SGCZ: variants seen among roughly 807,000 people sequenced by gnomAD.
SGCZ encodes the protein sarcoglycan zeta.
SGCZ carries 40 observed loss-of-function variants against 41.3 expected under a neutral mutation model. That is an observed-to-expected ratio of 0.97 (90% CI 0.75 to 1.26). The LOEUF is 1.26. Among genes scored for constraint, SGCZ ranks in the 50% most tolerant of loss-of-function variants. The pLI, the probability that SGCZ is intolerant of heterozygous loss-of-function variation, is 0.00. For synonymous variants in SGCZ, 206 were observed against 137.5 expected (o/e 1.50, Z -3.49); for missense variants, 552 against 369.8 (o/e 1.49, Z -4.04).
intron 2 of SGCZ, among the ~76,000 whole-genome samples, chr8:14,336,289 A>G (rs1390219986): frequency 2.0e-4 from 31 of 152,188 alleles, no homozygotes; most frequent in Admixed American, 2.0e-3. Flanking sequence ...CATAGTGTAT[A>G]GGTGCCACAT....
At chr8:14,615,096 T>C (rs1806056137) in intron 1 of SGCZ, among the ~76,000 whole-genome samples, 1 of 152,120 alleles carries the variant, frequency 6.6e-6, no homozygotes, top group Non-Finnish European at 1.5e-5. Context: ...ACATTTATAG[T>C]AGACATAATT....
intron 1 of SGCZ, among the ~76,000 whole-genome samples, chr8:15,082,619 G>A (rs1805797402): frequency 6.6e-6 from 1 of 152,072 alleles, no homozygotes; most frequent in South Asian, 2.1e-4. Flanking sequence ...AAAACGTCCA[G>A]TGCAGAGGCA....
At chr8:14,293,880 G>A (rs577530637) in intron 3 of SGCZ, among the ~76,000 whole-genome samples, 1 of 151,862 alleles carries the variant, frequency 6.6e-6, no homozygotes, top group South Asian at 2.1e-4. Context: ...GCTACATTCA[G>A]GAGCCAAATC....
At chr8:15,222,396 C>T (rs577567563) in intron 1 of SGCZ, among the ~76,000 whole-genome samples, 4 of 152,092 alleles carry the variant, frequency 2.6e-5, no homozygotes, top group African/African-American at 9.6e-5. Context: ...CAAGGCTTAA[C>T]TGGGAGGCAC....
intron 2 of SGCZ, among the ~76,000 whole-genome samples, chr8:14,388,912 G>C (rs1356105832): frequency 6.6e-6 from 1 of 151,424 alleles, no homozygotes; most frequent in Non-Finnish European, 1.5e-5. Context: ...TAGCATTAAA[G>C]ATACCTCAAA....
chr8:14,993,580 T>C (rs1209340356), intron 1 of SGCZ, among the ~76,000 whole-genome samples: 1 of 152,118 alleles, frequency 6.6e-6, no homozygotes, highest in African/African-American at 2.4e-5. Flanking sequence ...CAAAATGTGA[T>C]AGAGAATGGT....
At chr8:14,811,177 A>C (rs1801726611) in intron 1 of SGCZ, among the ~76,000 whole-genome samples, 1 of 152,038 alleles carries the variant, frequency 6.6e-6, no homozygotes, top group African/African-American at 2.4e-5. Context: ...GTTCATCATA[A>C]ACTTAGATTT....
intron 2 of SGCZ, among the ~76,000 whole-genome samples, chr8:14,541,198 T>A (rs1803455854): frequency 6.6e-6 from 1 of 151,982 alleles, no homozygotes; most frequent in Non-Finnish European, 1.5e-5. Context: ...GTTCGTTACA[T>A]AGGTATACAC....
intron 1 of SGCZ, among the ~76,000 whole-genome samples, chr8:14,935,014 T>C (rs796832172): frequency 8.9e-5 from 10 of 112,518 alleles, no homozygotes; most frequent in African/African-American, 3.4e-4. Flanking sequence ...GAAGACAAAA[T>C]GCAAAAAAAA....
chr8:14,855,552 C>A (rs1489000686), intron 1 of SGCZ, among the ~76,000 whole-genome samples: 1 of 152,150 alleles, frequency 6.6e-6, no homozygotes, highest in Non-Finnish European at 1.5e-5. Context: ...TTCTGGTTCT[C>A]TCATCTCTAG....
At chr8:15,076,428 A>G (rs1264076697) in intron 1 of SGCZ, among the ~76,000 whole-genome samples, 1 of 152,224 alleles carries the variant, frequency 6.6e-6, no homozygotes, top group Non-Finnish European at 1.5e-5. Flanking sequence ...TGAGATTAAT[A>G]GCAAATGCAA....
intron 2 of SGCZ, among the ~76,000 whole-genome samples, chr8:14,538,004 A>G (rs530503584): frequency 6.6e-6 from 1 of 152,046 alleles, no homozygotes; most frequent in East Asian, 1.9e-4. Flanking sequence ...TGTACTCTCC[A>G]TTCTAAATGA....
chr8:14,407,666 G>A (rs949455179), intron 2 of SGCZ, among the ~76,000 whole-genome samples: 12 of 152,100 alleles, frequency 7.9e-5, no homozygotes, highest in Admixed American at 7.9e-4. Context: ...ATAAAATATT[G>A]TTTTCTTGTT....
At chr8:14,469,338 A>C (rs1041388137) in intron 2 of SGCZ, among the ~76,000 whole-genome samples, 1 of 152,022 alleles carries the variant, frequency 6.6e-6, no homozygotes, top group Non-Finnish European at 1.5e-5. Flanking sequence ...GACCTTAAAT[A>C]CAGCTTGCTC....
intron 1 of SGCZ, among the ~76,000 whole-genome samples, chr8:15,196,389 G>T (rs1232584067): frequency 1.3e-5 from 2 of 152,178 alleles, no homozygotes; most frequent in Non-Finnish European, 2.9e-5. Context: ...CAGTGAAAAA[G>T]TGCAGGTATC....
At chr8:14,476,209 A>C (rs1036574328) in intron 2 of SGCZ, among the ~76,000 whole-genome samples, 1 of 152,104 alleles carries the variant, frequency 6.6e-6, no homozygotes, top group East Asian at 1.9e-4. Context: ...TTGAATCTGT[A>C]GTCAAGAATC....
chr8:14,243,224 G>A (rs1050039579), intron 3 of SGCZ, among the ~76,000 whole-genome samples: 6 of 151,976 alleles, frequency 3.9e-5, no homozygotes, highest in East Asian at 3.9e-4. Flanking sequence ...TTTTGTTACC[G>A]AAGTTTGTAT....
intron 1 of SGCZ, among the ~76,000 whole-genome samples, chr8:15,081,167 C>G (rs1412081290): frequency 6.6e-6 from 1 of 152,184 alleles, no homozygotes; most frequent in Non-Finnish European, 1.5e-5. Context: ...CTTCCTACTT[C>G]AAGACACTAA....
At chr8:14,795,320 T>A (rs946246025) in intron 1 of SGCZ, among the ~76,000 whole-genome samples, 1 of 152,232 alleles carries the variant, frequency 6.6e-6, no homozygotes, top group African/African-American at 2.4e-5. Flanking sequence ...GCCCAGGTAA[T>A]ATTTCTTGCA....
Sources: allele counts gnomAD v4.1 joint callset (sites outside exome capture counted in the v4.1 genomes callset), GRCh38; gene constraint gnomAD v4.1.1; transcripts MANE v1.5; gene names NCBI Gene and HGNC (gene_info 2026-07-23, HGNC 2026-07-21).